Variants in CENPK observed in about 807,000 individuals in gnomAD.
CENPK encodes the protein SoxLZ/Sox6-binding protein Solt.
In CENPK, 46 loss-of-function variants were observed where a neutral mutation model predicts 40.9. The ratio of observed to expected loss-of-function variants is 1.13; its 90% CI spans 0.89 to 1.44. The LOEUF (loss-of-function observed/expected upper bound fraction) is 1.44. Ranked by LOEUF, CENPK falls within the 40% of genes most tolerant of loss-of-function variation. CENPK has a pLI of 0.00. For missense variants in CENPK, 288 were observed against 303.5 expected (o/e 0.95, Z 0.38); for synonymous variants, 107 against 104.4 (o/e 1.02, Z -0.15).
At chr5:65,542,592 G>T (rs571185663) in intron 6 of CENPK, among the ~76,000 whole-genome samples, 110 of 151,844 alleles carry the variant, frequency 7.2e-4, no homozygotes, top group Admixed American at 6.6e-3. Context: ...AGCCAGGATT[G>T]TGCCACTGCA....
Position 65,542,852 on chromosome 5 carries a change from C to T in CENPK, c.242-4G>A, listed in dbSNP as rs755997996. 11 of 1,606,508 alleles carry T rather than the reference C, an allele frequency of 6.8e-6. No homozygotes were observed. In the South Asian group the frequency reaches 1.1e-4, roughly 16 times the overall value. On this transcript the variant is annotated splice_region_variant and splice_polypyrimidine_tract_variant and intron_variant, in intron 5 of 10. Coordinates refer to ENST00000396679, the MANE Select transcript of CENPK (RefSeq NM_022145.5). ...ACGTCTTCAGTCAAGGGAATTGCTA[C>T]AAAAACAAAACAAAACAAAGTTACA...
chr5:65,529,519 ACT>A (rs1334684380), intron 6 of CENPK: 1 of 196,402 alleles, frequency 5.1e-6, no homozygotes, highest in Non-Finnish European at 1.0e-5. Context: ...AGACAGTCTC[ACT>A]CTGTCACCCA....
At chr5:65,541,567 T>C in intron 6 of CENPK, 3 of 408,660 alleles carry the variant, frequency 7.3e-6, no homozygotes, top group Non-Finnish European at 1.0e-5. Flanking sequence ...TAGACACATG[T>C]TCTTTCTTTC....
intron 5 of CENPK, chr5:65,551,184 G>A (rs181892177): frequency 2.5e-4 from 100 of 407,918 alleles, no homozygotes; most frequent in Middle Eastern, 1.6e-3. Context: ...CGGGAGATCG[G>A]GGCTGCAATG....
At chr5:65,510,160 T>C in the CENPK span, among the ~76,000 whole-genome samples, 4 of 152,258 alleles carry the variant, frequency 2.6e-5, no homozygotes, top group Admixed American at 2.0e-4. Flanking sequence ...TGTGAAAAAG[T>C]CATGTCAAAA....
At chr5:65,559,285 T>C (rs1340336888) in intron 2 of CENPK, among the ~76,000 whole-genome samples, 1 of 152,182 alleles carries the variant, frequency 6.6e-6, no homozygotes, top group African/African-American at 2.4e-5. Context: ...TTAACCAAAA[T>C]CCTGAAAGTT....
chr5:65,497,218 A>G, the CENPK span, among the ~76,000 whole-genome samples: 1 of 151,930 alleles, frequency 6.6e-6, no homozygotes, highest in Non-Finnish European at 1.5e-5. Flanking sequence ...AAATACAAAA[A>G]TTAGCTGGGC....
At chr5:65,555,283 A>C (rs1750790373) in intron 2 of CENPK, 1 of 164,746 alleles carries the variant, frequency 6.1e-6, no homozygotes, top group South Asian at 1.7e-4. Context: ...AAGATAAAGA[A>C]ATGAGGTCAA....
downstream of CENPK, among the ~76,000 whole-genome samples, chr5:65,514,402 T>A (rs1461613641): frequency 6.6e-6 from 1 of 151,774 alleles, no homozygotes; most frequent in East Asian, 1.9e-4. Flanking sequence ...GTAGCTGGGA[T>A]TACAGGCGCG....
chr5:65,516,227 G>C (rs951779233), downstream of CENPK, among the ~76,000 whole-genome samples: 1 of 152,136 alleles, frequency 6.6e-6, no homozygotes, highest in Non-Finnish European at 1.5e-5. Context: ...TGGATTTCTT[G>C]TTTAGTCGTT....
chr5:65,510,116 A>C, the CENPK span, among the ~76,000 whole-genome samples: 62 of 152,348 alleles, frequency 4.1e-4, no homozygotes, highest in African/African-American at 1.5e-3. Context: ...CATATTTCTC[A>C]CTTTAAATCA....
At chr5:65,516,678 A>C (rs1742879506), downstream of CENPK, among the ~76,000 whole-genome samples, 1 of 145,770 alleles carries the variant, frequency 6.9e-6, no homozygotes, top group African/African-American at 2.5e-5. Flanking sequence ...AAATAAGTTA[A>C]AAATTTTACA....
intron 2 of CENPK, chr5:65,555,403 C>T (rs1176000123): frequency 6.5e-6 from 1 of 153,618 alleles, no homozygotes; most frequent in Non-Finnish European, 1.4e-5. Flanking sequence ...GGTGTGATTA[C>T]AGCAGATTAA....
At chr5:65,535,601 C>G (rs1217844870) in intron 6 of CENPK, among the ~76,000 whole-genome samples, 1 of 152,220 alleles carries the variant, frequency 6.6e-6, no homozygotes, top group Non-Finnish European at 1.5e-5. Flanking sequence ...TGGCTGCCAA[C>G]TCGCCACGTC....
the CENPK span, among the ~76,000 whole-genome samples, chr5:65,510,875 G>A: frequency 6.6e-6 from 1 of 152,072 alleles, no homozygotes; most frequent in Non-Finnish European, 1.5e-5. Flanking sequence ...TTTATAAGAA[G>A]AGGAAGAGAG....
At chr5:65,557,764 C>A (rs1367762274) in intron 2 of CENPK, among the ~76,000 whole-genome samples, 1 of 152,200 alleles carries the variant, frequency 6.6e-6, no homozygotes, top group Non-Finnish European at 1.5e-5. Context: ...TACACCTCTA[C>A]ATTCTGGGGT....
At chr5:65,509,777 C>T in the CENPK span, among the ~76,000 whole-genome samples, 259 of 152,306 alleles carry the variant, frequency 1.7e-3, 3 homozygotes, top group East Asian at 0.025. Flanking sequence ...AAGTCTACCA[C>T]TACAATATCT....
chr5:65,542,123 T>G (rs973291568), intron 6 of CENPK, among the ~76,000 whole-genome samples: 3 of 152,168 alleles, frequency 2.0e-5, no homozygotes, highest in African/African-American at 7.2e-5. Flanking sequence ...AGGTCTCACC[T>G]CCTAATATCA....
At chr5:65,502,532 T>C in the CENPK span, among the ~76,000 whole-genome samples, 2 of 152,210 alleles carry the variant, frequency 1.3e-5, no homozygotes, top group Non-Finnish European at 2.9e-5. Flanking sequence ...TTTCAAAATA[T>C]TTATTCTCTA....
Sources: allele counts gnomAD v4.1 joint callset (sites outside exome capture counted in the v4.1 genomes callset), GRCh38; gene constraint gnomAD v4.1.1; transcripts MANE v1.5; gene names NCBI Gene and HGNC (gene_info 2026-07-23, HGNC 2026-07-21).